The following CSTF1 variants were observed in gnomAD, a reference collection of about 807,000 sequenced individuals.
The protein encoded by CSTF1 is cleavage stimulation factor subunit 1, also known as CF-1 50 kDa subunit.
A neutral mutation model predicts 40.9 loss-of-function variants in CSTF1; 2 were observed. That is an observed-to-expected ratio of 0.05 (90% CI 0.02 to 0.15). CSTF1 has a LOEUF of 0.15. Ranked by LOEUF, CSTF1 falls within the 10% of genes least tolerant of loss-of-function variation. The probability of loss-of-function intolerance (pLI) is 1.00; values close to 1 mark genes in which losing one functional copy is unlikely to be tolerated. For missense variants in CSTF1, 279 were observed against 558.9 expected, an observed-to-expected ratio of 0.50 and a Z score of 5.05; for synonymous variants, 218 against 207.2, an observed-to-expected ratio of 1.05 and a Z score of -0.45.
In CSTF1 at chr20:56,399,360, A is replaced by G; in HGVS notation, c.1036+3A>G. ...ACGAACACTGGTCAGATACACGGGT[A>G]TGTGAGACGTTGATGTTACTTAACA... On this transcript the variant is annotated splice_donor_region_variant and intron_variant, in intron 5 of 5. Coordinates refer to ENST00000217109, the MANE Select transcript of CSTF1 (RefSeq NM_001324.3). This position sits in a 1 kb window ranked among gnomAD's most constrained non-coding sequence, Gnocchi z 4.6. 6.2e-7 allele frequency: 1 copy of G among 1,603,486 alleles called. No homozygotes were observed. Among genetic ancestry groups the G allele is most frequent in the Non-Finnish European group, 8.5e-7 (1 of 1,174,138 alleles).
chr20:56,395,530 A>G lies in CSTF1; in HGVS notation c.-23A>G. ...TTTTCCGTTTTTGCAGCTGGCAGGG[A>G]AACTGTCTTCCTTTTCTCCAAGATG... On this transcript the variant is annotated 5_prime_UTR_variant, in exon 2 of 6. Coordinates refer to ENST00000217109, the MANE Select transcript of CSTF1 (RefSeq NM_001324.3). 2 of 1,603,154 alleles carry G rather than the reference A, an allele frequency of 1.2e-6. No individual in the cohort carries two copies. Among genetic ancestry groups the G allele is most frequent in the Non-Finnish European group, 1.7e-6 (2 of 1,173,408 alleles).
At position 56,405,082 on chromosome 20, in the gene CSTF1, CAA is replaced by C. The variant is rs970928978; in HGVS notation, c.*1357_*1358del. ...TTTGCTTTATATTTATCCCAAAAAA[CAA>C]ATACCTTATGATCTGCATAGGAGTA... On this transcript the variant is annotated 3_prime_UTR_variant, in exon 6 of 6. Transcript: ENST00000217109. The C allele has an allele frequency of 3.3e-5, 5 of 152,036 alleles. No homozygotes were observed. Among genetic ancestry groups the C allele is most frequent in the African/African-American group, 1.2e-4 (5 of 41,354 alleles). The allele number at this position is 152,036 out of a possible 1,614,324, so 9.4% of individuals were successfully genotyped here.
In CSTF1 at chr20:56,397,234, A is replaced by G. The variant is rs1195208860; in HGVS notation, c.197A>G (p.Gln66Arg). 6.2e-7 allele frequency: 1 copy of G among 1,614,122 alleles called. No homozygotes were observed. Among genetic ancestry groups the G allele is most frequent in the East Asian group, 2.2e-5 (1 of 44,890 alleles). The stretch of plus-strand genomic sequence containing the variant: ...ATGGAAAACGATGACACCGCAGTTC[A>G]GTATGCAATTGGTCGTTCAGATACT... ...LGMENDDTAVQYAIGRSDTVA... is the reference protein window; with the variant it reads ...LGMENDDTAVRYAIGRSDTVA... The change falls in exon 3 of 6, where the codon CAG (glutamine) becomes CGG (arginine). Residue 66 changes from glutamine (Q) to arginine (R), a missense_variant. Around this residue, in one of 4 missense-constraint regions of CSTF1, gnomAD observed 66 missense variants for 148.0 expected, o/e 0.45. Transcript: ENST00000217109. This position sits in a 1 kb window ranked among gnomAD's most constrained non-coding sequence, Gnocchi z 4.4.
intron 5 of CSTF1, among the ~76,000 whole-genome samples, 194 bp from the exon 6 acceptor site, chr20:56,403,274 C>T (rs534810563): frequency 1.5e-3 from 235 of 152,018 alleles, no homozygotes; most frequent in Admixed American, 2.4e-3. Flanking sequence ...CCTCAGCCTC[C>T]CAAAGTACTG....
intron 1 of CSTF1, 21 bp downstream of exon 1, chr20:56,392,734 TAGCTGGTGCGGTC>T (rs890323143): frequency 6.6e-6 from 1 of 151,520 alleles, no homozygotes; most frequent in Non-Finnish European, 1.5e-5. Context: ...ACGGGGAGAG[TAGCTGGTGCGGTC>T]GGCTGGGGCA....
chr20:56,403,920 A>G lies in CSTF1; in HGVS notation c.*193A>G, dbSNP rs1422482125. ...TCATGGTGGAAAAAGTTGGAAACACAGATCTGTGCAGTTCTACATTCACTG... is the reference window on the plus strand; with the variant it reads ...TCATGGTGGAAAAAGTTGGAAACACGGATCTGTGCAGTTCTACATTCACTG... On this transcript the variant is annotated 3_prime_UTR_variant, in exon 6 of 6. Coordinates refer to ENST00000217109, the MANE Select transcript of CSTF1 (RefSeq NM_001324.3). The G allele has an allele frequency of 4.6e-5, 28 of 602,244 alleles. No individual in the cohort carries two copies. In the Admixed American group the frequency reaches 7.5e-4, roughly 16 times the overall value. 37.3% of individuals were successfully genotyped at this position (602,244 alleles called of 1,614,324 possible). A position where few individuals can be genotyped will look rare whatever the true frequency, so the allele number is the denominator to read the frequency against.
At chr20:56,394,525 T>G (rs1242188238) in intron 1 of CSTF1, among the ~76,000 whole-genome samples, 2 of 152,164 alleles carry the variant, frequency 1.3e-5, no homozygotes, top group Non-Finnish European at 2.9e-5. Context: ...AGGCGGAGGT[T>G]GCAGTGAGCC....
chr20:56,392,803 G>A (rs1987305678), intron 1 of CSTF1, 90 bp downstream of exon 1: 1 of 152,258 alleles, frequency 6.6e-6, no homozygotes, highest in African/African-American at 2.4e-5. Flanking sequence ...TGGAAGAGTC[G>A]AGAGTTAGCA....
Position 56,405,874 on chromosome 20 carries a change from C to T in CSTF1, c.*2147C>T, listed in dbSNP as rs1377244207. 3 of 152,222 alleles carry T rather than the reference C, an allele frequency of 2.0e-5. No individual in the cohort carries two copies. Among genetic ancestry groups the T allele is most frequent in the Admixed American group, 2.0e-4 (3 of 15,280 alleles). The allele number at this position is 152,222 out of a possible 1,614,324, so 9.4% of individuals were successfully genotyped here. A position where few individuals can be genotyped will look rare whatever the true frequency, so the allele number is the denominator to read the frequency against. The stretch of plus-strand genomic sequence containing the variant: ...TTCAGACTTTCCTTTTGCTTTCAAC[C>T]TCTTAAACTGTAAAGGAGAGATTTA... On this transcript the variant is annotated 3_prime_UTR_variant, in exon 6 of 6. Transcript: ENST00000217109.
intron 5 of CSTF1, among the ~76,000 whole-genome samples, chr20:56,402,776 A>C (rs1978515816): frequency 6.6e-6 from 1 of 151,484 alleles, no homozygotes; most frequent in African/African-American, 2.4e-5. Flanking sequence ...CTTTACTAAA[A>C]ATACAAAAAT....
rs969298711 is a variant in CSTF1 at position 56,397,946 on chromosome 20, G to A, written c.645+105G>A. 27 of 916,772 alleles carry A rather than the reference G, an allele frequency of 2.9e-5. No individual in the cohort carries two copies. The highest frequency in any genetic ancestry group is 6.7e-5 in the African/African-American group (4 of 60,146). The allele number at this position is 916,772 out of a possible 1,614,324, so 56.8% of individuals were successfully genotyped here. A position where few individuals can be genotyped will look rare whatever the true frequency, so the allele number is the denominator to read the frequency against. Reference sequence around the variant, plus strand: ...AGTCTCAGTGATCATCCTGTAAGATGCGTACAGACCAGGATGCATGCCCGA... The same window carrying A: ...AGTCTCAGTGATCATCCTGTAAGATACGTACAGACCAGGATGCATGCCCGA... On this transcript the variant is annotated intron_variant, in intron 4 of 5. Transcript: ENST00000217109. This position sits in a 1 kb window ranked among gnomAD's most constrained non-coding sequence, Gnocchi z 4.4.
chr20:56,402,957 A>G (rs1421885427), intron 5 of CSTF1, among the ~76,000 whole-genome samples: 3 of 151,800 alleles, frequency 2.0e-5, no homozygotes, highest in Non-Finnish European at 2.9e-5. Flanking sequence ...AAGATCACAC[A>G]CAAAAGAATT....
chr20:56,401,339 C>T lies in CSTF1; in HGVS notation c.1036+1982C>T, dbSNP rs549112779. On this transcript the variant is annotated intron_variant, in intron 5 of 5. Coordinates refer to ENST00000217109, the MANE Select transcript of CSTF1 (RefSeq NM_001324.3). ...GTCAGGAAATGTAAGAAAAGGTGGC[C>T]AGCCTTGCTGCAGACCCAAGAAATG... 5.3e-5 allele frequency among the ~76,000 whole-genome samples: 8 copies of T among 152,234 alleles called. No individual in the cohort carries two copies. In the East Asian group the frequency reaches 1.4e-3, roughly 26 times the overall value.
intron 1 of CSTF1, 122 bp downstream of exon 1, chr20:56,392,835 T>G (rs1987310575): frequency 2.0e-5 from 3 of 152,178 alleles, no homozygotes; most frequent in Non-Finnish European, 4.4e-5. Context: ...GCCTCTACTT[T>G]GCGTTTCCTA....
chr20:56,404,060 T>C lies in CSTF1; in HGVS notation c.*333T>C. 1 of 219,582 alleles carries C rather than the reference T, an allele frequency of 4.6e-6. No individual in the cohort carries two copies. The highest frequency in any genetic ancestry group is 9.6e-5 in the East Asian group (1 of 10,368). 13.6% of individuals were successfully genotyped at this position (219,582 alleles called of 1,614,324 possible). A position where few individuals can be genotyped will look rare whatever the true frequency, so the allele number is the denominator to read the frequency against. ...GTGCTTTTGACATGAGGAATTTTCA[T>C]TTGGTTCTTCTGTCAACTTTCTTGC... is the stretch of plus-strand genomic sequence containing the variant. On this transcript the variant is annotated 3_prime_UTR_variant, in exon 6 of 6. Coordinates refer to ENST00000217109, the MANE Select transcript of CSTF1 (RefSeq NM_001324.3).
chr20:56,395,844 A>C (rs1218141569), intron 2 of CSTF1, 123 bp downstream of exon 2: 2 of 1,014,024 alleles, frequency 2.0e-6, no homozygotes, highest in Non-Finnish European at 2.9e-6. Context: ...TACTTCAGTA[A>C]GTAAGTAGTT....
At position 56,404,483 on chromosome 20, in the gene CSTF1, T is replaced by A. The variant is rs1978618973; in HGVS notation, c.*756T>A. The A allele has an allele frequency of 1.3e-5, 2 of 152,238 alleles. No homozygotes were observed. The highest frequency in any genetic ancestry group is 2.9e-5 in the Non-Finnish European group (2 of 68,046). 9.4% of individuals were successfully genotyped at this position (152,238 alleles called of 1,614,324 possible). On this transcript the variant is annotated 3_prime_UTR_variant, in exon 6 of 6. Coordinates refer to ENST00000217109, the MANE Select transcript of CSTF1 (RefSeq NM_001324.3). ...CCTGCTATTGCTCTCAGGTGTTGCC[T>A]GTCTTCACGAATGATTAGTATCGAT...
chr20:56,400,476 T>G (rs1186442403), intron 5 of CSTF1, among the ~76,000 whole-genome samples: 1 of 152,140 alleles, frequency 6.6e-6, no homozygotes, highest in Non-Finnish European at 1.5e-5. Flanking sequence ...CCTATAGAAG[T>G]TATAACTGTT....
At chr20:56,393,510 C>G (rs571620977) in intron 1 of CSTF1, among the ~76,000 whole-genome samples, 224 of 151,952 alleles carry the variant, frequency 1.5e-3, no homozygotes, top group Non-Finnish European at 2.5e-3. Flanking sequence ...TTTCGGGTAA[C>G]TGAACATTGT....
Sources: gnomAD v4.1 joint callset for allele counts (sites outside exome capture counted in the v4.1 genomes callset) on GRCh38, gnomAD v4.1.1 for gene constraint, gnomAD v4.1.1 regional missense constraint, Gnocchi (gnomAD v3.1) non-coding constraint, MANE v1.5 for transcripts, NCBI Gene and HGNC (gene_info 2026-07-23, HGNC 2026-07-21) for gene names.